Variants in PCM1 observed in about 807,000 individuals in gnomAD.
The protein encoded by PCM1 is pericentriolar material 1.
In PCM1, 157 loss-of-function variants were observed where a neutral mutation model predicts 241.9. The observed-to-expected ratio is 0.65, with a 90% CI of 0.57 to 0.74. The LOEUF (loss-of-function observed/expected upper bound fraction) is 0.74. PCM1 is among the 30% of genes least tolerant of loss of function. The probability of loss-of-function intolerance (pLI) is 0.00; values close to 1 mark genes in which losing one functional copy is unlikely to be tolerated. For missense variants in PCM1, 3,478 were observed against 2,360.1 expected (o/e 1.47, Z -9.81); for synonymous variants, 1,085 against 784.9 (o/e 1.38, Z -6.39).
At chr8:17,923,453 C>T (rs544599670) in intron 1 of PCM1, among the ~76,000 whole-genome samples, 2 of 152,322 alleles carry the variant, frequency 1.3e-5, no homozygotes, top group East Asian at 1.9e-4. Context: ...CCTCCTCGCC[C>T]CTCCTGCTGG....
At chr8:17,991,946 A>G (rs892013155) in intron 28 of PCM1, among the ~76,000 whole-genome samples, 4 of 152,184 alleles carry the variant, frequency 2.6e-5, no homozygotes, top group African/African-American at 7.2e-5. Context: ...GAGTGAGAAC[A>G]TGCAACGTTT....
At chr8:17,983,221 C>A in intron 24 of PCM1, 5 of 1,310,186 alleles carry the variant, frequency 3.8e-6, no homozygotes, top group Non-Finnish European at 5.0e-6. Flanking sequence ...TTATGTCTGC[C>A]CTTTCCTACA....
At chr8:18,024,434 TC>T (rs1391337825) in intron 36 of PCM1, among the ~76,000 whole-genome samples, 6 of 152,230 alleles carry the variant, frequency 3.9e-5, no homozygotes, top group East Asian at 1.9e-4. Context: ...GGGCTTATAA[TC>T]TTTGAAAAAC....
intron 29 of PCM1, among the ~76,000 whole-genome samples, chr8:17,999,844 T>A (rs1442283340): frequency 1.3e-5 from 2 of 152,152 alleles, no homozygotes; most frequent in Admixed American, 1.3e-4. Flanking sequence ...CTGCCTTTTT[T>A]TTTAATGGAT....
At chr8:17,972,295 T>G (rs2077121461) in intron 22 of PCM1, 34 bp from the exon 23 acceptor site, 2 of 1,260,772 alleles carry the variant, frequency 1.6e-6, no homozygotes, top group Admixed American at 5.9e-5. Context: ...AAACTATAGT[T>G]GTTAACTTAT....
intron 21 of PCM1, 125 bp downstream of exon 21, chr8:17,967,295 G>T: frequency 1.1e-5 from 7 of 621,402 alleles, no homozygotes; most frequent in East Asian, 3.2e-5. Flanking sequence ...TGCAAAGAAA[G>T]TTACAAACTC....
intron 2 of PCM1, among the ~76,000 whole-genome samples, chr8:17,928,325 C>T (rs1224798927): frequency 1.3e-5 from 2 of 152,156 alleles, no homozygotes; most frequent in African/African-American, 4.8e-5. Flanking sequence ...TTCTCCATTC[C>T]CTACTTTTCT....
At chr8:17,933,481 C>T (rs990581471) in intron 2 of PCM1, among the ~76,000 whole-genome samples, 2 of 152,136 alleles carry the variant, frequency 1.3e-5, no homozygotes, top group Admixed American at 6.5e-5. Context: ...GGGATCTTAA[C>T]TGGAATTACA....
intron 29 of PCM1, among the ~76,000 whole-genome samples, chr8:17,995,976 T>C (rs780960036): frequency 6.6e-6 from 1 of 152,160 alleles, no homozygotes; most frequent in African/African-American, 2.4e-5. Flanking sequence ...ATATATCATA[T>C]ACAAACAAGG....
chr8:17,932,865 G>A (rs1250668892), intron 2 of PCM1, among the ~76,000 whole-genome samples: 1 of 152,068 alleles, frequency 6.6e-6, no homozygotes, highest in African/African-American at 2.4e-5. Flanking sequence ...GCCTTTCTCA[G>A]TTGGGAGAGA....
At chr8:17,972,165 A>T (rs902712885) in intron 22 of PCM1, among the ~76,000 whole-genome samples, 164 bp from the exon 23 acceptor site, 1 of 152,198 alleles carries the variant, frequency 6.6e-6, no homozygotes, top group Non-Finnish European at 1.5e-5. Flanking sequence ...ACCTTAGCTT[A>T]TGTGATATTT....
Position 17,993,525 on chromosome 8 carries a change from G to A in PCM1, c.4733G>A (p.Ser1578Asn). 6 of 1,588,342 alleles carry A rather than the reference G, an allele frequency of 3.8e-6. No individual in the cohort carries two copies. Among genetic ancestry groups the A allele is most frequent in the Non-Finnish European group, 5.1e-6 (6 of 1,167,158 alleles). Reference sequence around the variant, plus strand: ...AATCGTAGTTCACAACAACCTGTAAGTGAAGTTTCTACCATCCCATGTCCT... The same window carrying A: ...AATCGTAGTTCACAACAACCTGTAAATGAAGTTTCTACCATCCCATGTCCT... ...IENRSSQQPV[S>N]EVSTIPCPRI... Residue 1578 changes from serine to asparagine, a missense_variant, in exon 29 of 39, where the codon AGT becomes AAT. Ser to Asn is a conservative substitution (Grantham distance 46). Coordinates refer to ENST00000325083, the MANE Select transcript of PCM1 (RefSeq NM_006197.4).
chr8:17,942,046 C>T lies in PCM1; in HGVS notation c.783+2185C>T, dbSNP rs186508795. Among the ~76,000 whole-genome samples the T allele has an allele frequency of 4.6e-5, 7 of 152,164 alleles. No homozygotes were observed. The East Asian group carries it at 1.4e-3, about 29-fold the overall frequency. On this transcript the variant is annotated intron_variant, in intron 6 of 38. Coordinates refer to ENST00000325083, the MANE Select transcript of PCM1 (RefSeq NM_006197.4). ...ATACCTCTCCATGGATTATAGCTTA[C>T]AGCTGTTTTTAATTTATATTAACAA...
At chr8:17,969,315 A>G (rs2076094434) in intron 21 of PCM1, 1 of 322,840 alleles carries the variant, frequency 3.1e-6, no homozygotes, top group Admixed American at 5.2e-5. Flanking sequence ...TCACCCAGTA[A>G]TTGATAAATG....
intron 20 of PCM1, 85 bp downstream of exon 20, chr8:17,966,558 C>G: frequency 8.2e-7 from 1 of 1,216,132 alleles, no homozygotes; most frequent in Non-Finnish European, 1.2e-6. Flanking sequence ...GAGAAAAGAG[C>G]AAGACCAAAT....
At chr8:17,948,558 C>G (rs1036084335) in intron 7 of PCM1, among the ~76,000 whole-genome samples, 1 of 152,032 alleles carries the variant, frequency 6.6e-6, no homozygotes, top group South Asian at 2.1e-4. Flanking sequence ...CCGCCTTGGC[C>G]TCCCAAAGTG....
chr8:17,986,516 G>GA (rs1372198742), intron 26 of PCM1, among the ~76,000 whole-genome samples: 3 of 149,710 alleles, frequency 2.0e-5, no homozygotes, highest in African/African-American at 2.4e-5. Context: ...AGTCTTCCAG[G>GA]AAAAAAATTG....
At chr8:18,017,255 T>TAAAC (rs1419355596) in intron 36 of PCM1, among the ~76,000 whole-genome samples, 2 of 152,346 alleles carry the variant, frequency 1.3e-5, no homozygotes, top group African/African-American at 2.4e-5. Context: ...TCTCATTTGT[T>TAAAC]AAACATTCTG....
chr8:17,949,142 C>G (rs1586479257), intron 7 of PCM1, among the ~76,000 whole-genome samples: 1 of 152,226 alleles, frequency 6.6e-6, no homozygotes, highest in East Asian at 1.9e-4. Flanking sequence ...TGAGTTTGAA[C>G]TTCATACTAT....
Sources: gnomAD v4.1 joint callset for allele counts (sites outside exome capture counted in the v4.1 genomes callset) on GRCh38, gnomAD v4.1.1 for gene constraint, MANE v1.5 for transcripts, NCBI Gene and HGNC (gene_info 2026-07-23, HGNC 2026-07-21) for gene names.